Variants in CTNNBIP1 observed in about 807,000 individuals in gnomAD.
CTNNBIP1 encodes the protein catenin beta interacting protein 1, also known as beta-catenin-interacting protein 1.
In CTNNBIP1, 7 loss-of-function variants were observed where a neutral mutation model predicts 11.8. The ratio of observed to expected loss-of-function variants is 0.60; its 90% CI spans 0.34 to 1.12. The LOEUF (loss-of-function observed/expected upper bound fraction) is 1.12, where lower values mean the gene tolerates loss of function less well. CTNNBIP1 is among the 50% of genes most tolerant of loss of function. The pLI is 0.03. For missense variants in CTNNBIP1, 101 were observed against 113.4 expected (o/e 0.89, Z 0.50); for synonymous variants, 58 against 43.9 (o/e 1.32, Z -1.26).
chr1:9,872,035 A>G lies in CTNNBIP1; in HGVS notation c.30T>C (p.Ser10=), dbSNP rs1171069931. 8 of 1,613,324 alleles carry G rather than the reference A, an allele frequency of 5.0e-6. No homozygotes were observed. The highest frequency in any genetic ancestry group is 3.3e-5 in the South Asian group (3 of 91,052). MNREGAPGK[S]PEEMYIQQKV... ...TCTGCTGAATGTACATCTCCTCCGG[A>G]CTCTTCCCGGGAGCTCCCTCGCGGT... The change falls in exon 4 of 6, where the codon AGT becomes AGC. Residue 10 remains serine (S), a synonymous_variant. Coordinates refer to ENST00000377263, the MANE Select transcript of CTNNBIP1 (RefSeq NM_020248.3). This position sits in a 1 kb window ranked among gnomAD's most constrained non-coding sequence, Gnocchi z 4.0.
intron 1 of CTNNBIP1, among the ~76,000 whole-genome samples, chr1:9,902,702 G>A (rs751379217): frequency 2.6e-5 from 4 of 152,180 alleles, no homozygotes; most frequent in African/African-American, 4.8e-5. Context: ...TCATTCACAC[G>A]ATCCCAACTA....
At position 9,882,804 on chromosome 1, in the gene CTNNBIP1, G is replaced by A. The variant is rs550490289; in HGVS notation, c.-110+901C>T. On this transcript the variant is annotated intron_variant, in intron 2 of 5. Coordinates refer to ENST00000377263, the MANE Select transcript of CTNNBIP1 (RefSeq NM_020248.3). Reference sequence around the variant, plus strand: ...GCCCCAAAGGACAGGCTGGACAGCTGGGACTGAGAAGCCCATGGAGGCGCA... The same window carrying A: ...GCCCCAAAGGACAGGCTGGACAGCTAGGACTGAGAAGCCCATGGAGGCGCA... 3.9e-5 allele frequency among the ~76,000 whole-genome samples: 6 copies of A among 152,326 alleles called. No individual in the cohort carries two copies. In the East Asian group the frequency reaches 1.2e-3, roughly 29 times the overall value.
chr1:9,878,026 G>C (rs142054057), intron 2 of CTNNBIP1, 37 bp from the exon 3 acceptor site: 1 of 152,742 alleles, frequency 6.5e-6, no homozygotes, highest in Admixed American at 6.5e-5. Context: ...GGGAGGAGTC[G>C]GGAGGGCCCA....
At chr1:9,910,013 A>G (rs1639703133) in intron 1 of CTNNBIP1, 82 bp downstream of exon 1, 1 of 149,842 alleles carries the variant, frequency 6.7e-6, no homozygotes, top group Non-Finnish European at 1.5e-5. Flanking sequence ...CCGGCAGACA[A>G]AGGGCTGGCC....
intron 5 of CTNNBIP1, among the ~76,000 whole-genome samples, chr1:9,864,587 G>C (rs544300644): frequency 1.2e-4 from 18 of 152,256 alleles, no homozygotes; most frequent in East Asian, 1.2e-3. Context: ...CTTGGCCTCC[G>C]AAAGTGCTGA....
At chr1:9,899,181 C>T (rs1229595188) in intron 1 of CTNNBIP1, among the ~76,000 whole-genome samples, 1 of 152,164 alleles carries the variant, frequency 6.6e-6, no homozygotes, top group Non-Finnish European at 1.5e-5. Flanking sequence ...TGAGGCCGGG[C>T]ACGGTGGCTC....
chr1:9,899,564 T>A (rs1243218308), intron 1 of CTNNBIP1, among the ~76,000 whole-genome samples: 3 of 136,748 alleles, frequency 2.2e-5, no homozygotes, highest in African/African-American at 8.3e-5. Context: ...ATCAAGGCTA[T>A]CTTGGCCAAC....
chr1:9,856,050 A>T (rs1432552024), intron 5 of CTNNBIP1, among the ~76,000 whole-genome samples: 1 of 152,146 alleles, frequency 6.6e-6, no homozygotes. Flanking sequence ...CGGGAAGCTG[A>T]GGCACGAGAA....
chr1:9,885,056 G>A (rs567069205), intron 1 of CTNNBIP1, among the ~76,000 whole-genome samples: 4 of 152,254 alleles, frequency 2.6e-5, no homozygotes, highest in Admixed American at 1.3e-4. Context: ...ATGGAGACAG[G>A]CCCAGGGCCA....
At chr1:9,889,717 G>A (rs1178854361) in intron 1 of CTNNBIP1, among the ~76,000 whole-genome samples, 4 of 152,184 alleles carry the variant, frequency 2.6e-5, no homozygotes, top group Admixed American at 6.5e-5. Context: ...CAGACCGGGG[G>A]TGGTTTTAAG....
intron 1 of CTNNBIP1, among the ~76,000 whole-genome samples, chr1:9,904,230 A>G (rs923070458): frequency 6.6e-6 from 1 of 152,212 alleles, no homozygotes; most frequent in Non-Finnish European, 1.5e-5. Context: ...AAAATGCCCC[A>G]GGACTCTGAA....
intron 5 of CTNNBIP1, among the ~76,000 whole-genome samples, chr1:9,868,070 C>T (rs928061214): frequency 2.6e-5 from 4 of 152,258 alleles, no homozygotes; most frequent in African/African-American, 9.6e-5. Flanking sequence ...CATGGCTGAC[C>T]CCTCCCCTCT....
intron 1 of CTNNBIP1, among the ~76,000 whole-genome samples, chr1:9,894,759 G>C (rs1411040245): frequency 1.3e-5 from 2 of 151,758 alleles, no homozygotes; most frequent in Admixed American, 1.3e-4. Flanking sequence ...TTTTTTGTTT[G>C]AGACAGAGTC....
At chr1:9,862,553 G>C (rs781633284) in intron 5 of CTNNBIP1, among the ~76,000 whole-genome samples, 2 of 152,200 alleles carry the variant, frequency 1.3e-5, no homozygotes, top group Non-Finnish European at 2.9e-5. Flanking sequence ...CAAATGTGTA[G>C]AGCATGCTCA....
At chr1:9,876,108 A>C (rs1214298686) in intron 3 of CTNNBIP1, among the ~76,000 whole-genome samples, 5 of 152,356 alleles carry the variant, frequency 3.3e-5, no homozygotes, top group Middle Eastern at 3.4e-3. Context: ...ACTATGTTTA[A>C]ATTACATAAA....
rs558505563 is a variant in CTNNBIP1 at position 9,868,738 on chromosome 1, C to T, written c.187+2449G>A. Among the ~76,000 whole-genome samples, 6 of 151,746 alleles carry T rather than the reference C, an allele frequency of 4.0e-5. 1 individual carries two copies. Among genetic ancestry groups the T allele is most frequent in the South Asian group, 4.2e-4 (2 of 4,802 alleles). ...CGCCTCCCAGATTCAAGCGGTTCTC[C>T]TGCCTTAATCTCCCAAGTAGCTGGG... On this transcript the variant is annotated intron_variant, in intron 5 of 5. Coordinates refer to ENST00000377263, the MANE Select transcript of CTNNBIP1 (RefSeq NM_020248.3).
At chr1:9,853,314 T>C (rs1638429957) in intron 5 of CTNNBIP1, among the ~76,000 whole-genome samples, 4 of 152,282 alleles carry the variant, frequency 2.6e-5, no homozygotes, top group South Asian at 4.1e-4. Context: ...TTGTCACTGG[T>C]TGGCCAGGTA....
rs897073868 is a variant in CTNNBIP1 at position 9,851,558 on chromosome 1, A to T, written c.188-782T>A. Among the ~76,000 whole-genome samples the T allele has an allele frequency of 9.9e-5, 15 of 152,064 alleles. No individual in the cohort carries two copies. Among genetic ancestry groups the T allele is most frequent in the Admixed American group, 9.8e-4 (15 of 15,250 alleles). ...GCTAATTTTTTTGTATTTTTAGTAG[A>T]GATGAGGTTTCACCATGTTGGTCAG... On this transcript the variant is annotated intron_variant, in intron 5 of 5. Transcript: ENST00000377263. The surrounding 1 kb of genome is among the most constrained non-coding windows in gnomAD (Gnocchi z 4.8).
intron 5 of CTNNBIP1, among the ~76,000 whole-genome samples, chr1:9,861,895 C>T (rs1337328772): frequency 6.6e-6 from 1 of 152,202 alleles, no homozygotes; most frequent in African/African-American, 2.4e-5. Flanking sequence ...ATGAATCTAT[C>T]CCCAATCTAA....
Sources: allele counts gnomAD v4.1 joint callset (sites outside exome capture counted in the v4.1 genomes callset), GRCh38; gene constraint gnomAD v4.1.1; non-coding constraint Gnocchi (gnomAD v3.1); transcripts MANE v1.5; gene names NCBI Gene and HGNC (gene_info 2026-07-23, HGNC 2026-07-21).